The following ZFAND4 variants were observed in gnomAD, a reference collection of about 807,000 sequenced individuals.
ZFAND4 encodes the protein zinc finger AN1-type containing 4, also known as AN1-type zinc finger protein 4.
ZFAND4 carries 43 observed loss-of-function variants against 64.4 expected under a neutral mutation model. The observed-to-expected ratio is 0.67, with a 90% CI of 0.52 to 0.86. The LOEUF (loss-of-function observed/expected upper bound fraction) is 0.86. ZFAND4 is among the 40% of genes least tolerant of loss of function. The pLI is 0.00. For synonymous variants in ZFAND4, 296 were observed against 305.7 expected, an observed-to-expected ratio of 0.97 and a Z score of 0.33; for missense variants, 929 against 859.8, an observed-to-expected ratio of 1.08 and a Z score of -1.01.
intron 5 of ZFAND4, among the ~76,000 whole-genome samples, chr10:45,646,949 G>T (rs1176159781): frequency 6.6e-6 from 1 of 152,200 alleles, no homozygotes; most frequent in Non-Finnish European, 1.5e-5. Flanking sequence ...GTCACAGTCT[G>T]CTCTCTGAGG....
In ZFAND4 at chr10:45,626,157, C is replaced by A; in HGVS notation, c.1666G>T (p.Ala556Ser). 6.2e-7 allele frequency: 1 copy of A among 1,614,102 alleles called. No homozygotes were observed. Among genetic ancestry groups the A allele is most frequent in the South Asian group, 1.1e-5 (1 of 91,080 alleles). ...ACACAACCAACAGGCTCTTTGGAAG[C>A]CTTGTTAGTCATTTCTGTGATATCC... Reference protein sequence around the residue: ...ARDITEMTNKASKEPVGCVNN... With the variant: ...ARDITEMTNKSSKEPVGCVNN... The change falls in exon 7 of 10, where the codon GCT becomes TCT. Residue 556 changes from alanine (A) to serine (S), a missense_variant. Physicochemically the swap from Ala to Ser is moderately conservative, Grantham distance 99 (BLOSUM62 1). Transcript: ENST00000344646.
chr10:45,640,420 C>T, intron 5 of ZFAND4: 1 of 832,760 alleles, frequency 1.2e-6, no homozygotes, highest in Non-Finnish European at 1.6e-6. Context: ...AGGAGATTCT[C>T]ACTAAAAAAA....
rs2044931199 is a variant in ZFAND4, at chr10:45,616,228, AGTT to A, written c.*205_*207del. ...ACAAAGCTAAATCATTCCAGTGTAA[AGTT>A]GTTAAAACTACTTTTAAAACTTTTG... On this transcript the variant is annotated 3_prime_UTR_variant, in exon 10 of 10. Transcript: ENST00000344646. 6.8e-6 allele frequency: 4 copies of A among 589,530 alleles called. No homozygotes were observed. In the South Asian group the frequency reaches 7.8e-5, roughly 12 times the overall value. 36.5% of individuals were successfully genotyped at this position (589,530 alleles called of 1,614,324 possible). A position where few individuals can be genotyped will look rare whatever the true frequency, so the allele number is the denominator to read the frequency against.
intron 1 of ZFAND4, among the ~76,000 whole-genome samples, chr10:45,664,045 G>T (rs189000592): frequency 6.6e-6 from 1 of 151,908 alleles, no homozygotes; most frequent in Non-Finnish European, 1.5e-5. Context: ...TTAAGAATAC[G>T]CATATTTTTG....
intron 7 of ZFAND4, among the ~76,000 whole-genome samples, chr10:45,625,710 C>T (rs1303932940): frequency 6.6e-6 from 1 of 152,082 alleles, no homozygotes; most frequent in Non-Finnish European, 1.5e-5. Context: ...CATATACATA[C>T]ATATCTGATA....
intron 8 of ZFAND4, among the ~76,000 whole-genome samples, chr10:45,623,123 T>C (rs1252751391): frequency 6.6e-6 from 1 of 152,112 alleles, no homozygotes; most frequent in East Asian, 1.9e-4. Flanking sequence ...AAATAACAAG[T>C]GTTGCCAAGG....
At chr10:45,653,460 C>G (rs183933434) in intron 2 of ZFAND4, among the ~76,000 whole-genome samples, 1 of 152,188 alleles carries the variant, frequency 6.6e-6, no homozygotes, top group East Asian at 1.9e-4. Context: ...CTGTAAAGAA[C>G]TTAATTCAAC....
rs143924829 is a variant in ZFAND4 at position 45,639,928 on chromosome 10, T to C, written c.605A>G (p.Asp202Gly). 8 of 1,613,114 alleles carry C rather than the reference T, an allele frequency of 5.0e-6. No homozygotes were observed. The highest frequency in any genetic ancestry group is 5.9e-6 in the Non-Finnish European group (7 of 1,179,880). ...AGAAGAAGAAGGCTCAGTTTCTTCA[T>C]CCTCATCTGTATCTGAATTATACAT... ...GSMYNSDTDE[D>G]EETEPSSSGQ... Residue 202 changes from aspartate to glycine, a missense_variant, in exon 6 of 10, where the codon GAT becomes GGT. Asp to Gly is a moderately conservative substitution (Grantham distance 94). Transcript: ENST00000344646.
chr10:45,654,594 G>T (rs2047979944), intron 2 of ZFAND4, among the ~76,000 whole-genome samples: 1 of 151,760 alleles, frequency 6.6e-6, no homozygotes, highest in African/African-American at 2.4e-5. Flanking sequence ...ACTCCAGCCT[G>T]GCAACAGAGT....
intron 4 of ZFAND4, chr10:45,650,790 CATAGTTATTACTATAAACATTT>C (rs940966046): frequency 2.9e-4 from 44 of 152,182 alleles, no homozygotes; most frequent in East Asian, 3.9e-4. Flanking sequence ...ATAAACATCA[CATAGTTATTACTATAAACATTT>C]ATAGTTATTA....
chr10:45,635,225 CAAACA>C lies in ZFAND4; in HGVS notation c.717+4586_717+4590del, dbSNP rs1589302877. ...AAAAAAAAAAAAAACAAAAAAAAAA[CAAACA>C]AAAAAAAACTGGAAGAATCACAATT... On this transcript the variant is annotated intron_variant, in intron 6 of 9. Transcript: ENST00000344646. Among the ~76,000 whole-genome samples, 14 of 70,670 alleles carry C rather than the reference CAAACA, an allele frequency of 2.0e-4. 1 individual carries two copies. The highest frequency in any genetic ancestry group is 4.3e-4 in the African/African-American group (8 of 18,770). 46.4% of individuals were successfully genotyped at this position (70,670 alleles called of 152,430 possible).
At chr10:45,647,153 C>T (rs555043358) in intron 5 of ZFAND4, among the ~76,000 whole-genome samples, 4 of 152,140 alleles carry the variant, frequency 2.6e-5, no homozygotes, top group Admixed American at 6.5e-5. Flanking sequence ...GTAATTTAGG[C>T]CCCAAATCAG....
chr10:45,639,991 A>T lies in ZFAND4; in HGVS notation c.570-28T>A, dbSNP rs2046875636. ...GCAAAGAAAACAATAACTACTTGAA[A>T]TTTTTCTGATACCTGCTCAGTGACT... is the stretch of plus-strand genomic sequence containing the variant. On this transcript the variant is annotated intron_variant, in intron 5 of 9. Coordinates refer to ENST00000344646, the MANE Select transcript of ZFAND4 (RefSeq NM_174890.4). 1.9e-6 allele frequency: 3 copies of T among 1,586,764 alleles called. No individual in the cohort carries two copies. In the East Asian group the frequency reaches 6.8e-5, roughly 36 times the overall value.
intron 5 of ZFAND4, among the ~76,000 whole-genome samples, chr10:45,647,866 T>C (rs916612705): frequency 3.3e-5 from 5 of 152,228 alleles, no homozygotes; most frequent in African/African-American, 9.6e-5. Flanking sequence ...ATTGCTTAGC[T>C]AAATATATGT....
intron 8 of ZFAND4, 53 bp downstream of exon 8, chr10:45,624,530 A>G: frequency 6.5e-7 from 1 of 1,545,084 alleles, no homozygotes; most frequent in Non-Finnish European, 8.9e-7. Flanking sequence ...AACCGGATGC[A>G]TAATTATGTA....
At chr10:45,658,865 T>A (rs531431572) in intron 2 of ZFAND4, among the ~76,000 whole-genome samples, 1 of 152,342 alleles carries the variant, frequency 6.6e-6, no homozygotes, top group East Asian at 1.9e-4. Context: ...TGGAGAACTT[T>A]TAATTCACCA....
chr10:45,656,754 C>G (rs1383684593), intron 2 of ZFAND4, among the ~76,000 whole-genome samples: 3 of 151,890 alleles, frequency 2.0e-5, no homozygotes, highest in African/African-American at 7.3e-5. Flanking sequence ...GGATGGGGGT[C>G]TTTGGAGGTA....
intron 5 of ZFAND4, among the ~76,000 whole-genome samples, chr10:45,646,167 A>G (rs1168245438): frequency 6.6e-6 from 1 of 152,230 alleles, no homozygotes; most frequent in African/African-American, 2.4e-5. Context: ...TACAAACAGA[A>G]GAAAAGTACC....
intron 1 of ZFAND4, among the ~76,000 whole-genome samples, chr10:45,666,596 C>T (rs1181205699): frequency 2.6e-5 from 4 of 152,042 alleles, no homozygotes; most frequent in Admixed American, 2.0e-4. Context: ...TTGGCTTAAC[C>T]CAAGGTAATA....
Sources: gnomAD v4.1 joint callset for allele counts (sites outside exome capture counted in the v4.1 genomes callset) on GRCh38, gnomAD v4.1.1 for gene constraint, MANE v1.5 for transcripts, NCBI Gene and HGNC (gene_info 2026-07-23, HGNC 2026-07-21) for gene names.